The following TTC3 variants were observed in gnomAD, a reference collection of about 807,000 sequenced individuals.
The protein encoded by TTC3 is tetratricopeptide repeat domain 3, also known as E3 ubiquitin-protein ligase TTC3.
In TTC3, 180 loss-of-function variants were observed where a neutral mutation model predicts 249.6. The ratio of observed to expected loss-of-function variants is 0.72; its 90% CI spans 0.64 to 0.82. The LOEUF is 0.82. Ranked by LOEUF, TTC3 falls within the 40% of genes least tolerant of loss-of-function variation. The pLI, the probability that TTC3 is intolerant of heterozygous loss-of-function variation, is 0.00. For missense variants in TTC3, 2,061 were observed against 2,398.4 expected, an observed-to-expected ratio of 0.86 and a Z score of 2.94; for synonymous variants, 717 against 805.0, an observed-to-expected ratio of 0.89 and a Z score of 1.85.
intron 35 of TTC3, among the ~76,000 whole-genome samples, chr21:37,177,600 G>A (rs563235248): frequency 3.3e-5 from 5 of 152,166 alleles, no homozygotes; most frequent in Middle Eastern, 3.4e-3. Flanking sequence ...TTTGTCATTC[G>A]ATTTCTCACT....
chr21:37,114,661 A>T (rs934408133), intron 11 of TTC3, among the ~76,000 whole-genome samples: 25 of 152,096 alleles, frequency 1.6e-4, no homozygotes, highest in African/African-American at 5.8e-4. Flanking sequence ...ATACCATTTG[A>T]CCCAGCCATC....
At chr21:37,172,602 T>G in exon 35 of TTC3, 1 of 1,608,738 alleles carries the variant, frequency 6.2e-7, no homozygotes, top group Non-Finnish European at 8.5e-7. Context: ...TAGGGGGAAA[T>G]TTCACGGATT....
chr21:37,123,261 T>C (rs1477757301), intron 13 of TTC3, among the ~76,000 whole-genome samples: 1 of 152,198 alleles, frequency 6.6e-6, no homozygotes, highest in Non-Finnish European at 1.5e-5. Context: ...AGCCTAATCC[T>C]GTGGGAAAAG....
At chr21:37,077,225 C>T (rs147974502) in intron 1 of TTC3, among the ~76,000 whole-genome samples, 1,548 of 151,810 alleles carry the variant, frequency 0.01, 16 homozygotes, top group East Asian at 0.03. Context: ...AGAAATTCAC[C>T]CTTTGCAATT....
chr21:37,162,932 T>A (rs563316966), intron 31 of TTC3, among the ~76,000 whole-genome samples: 4 of 152,272 alleles, frequency 2.6e-5, no homozygotes, highest in Admixed American at 2.0e-4. Context: ...GGCAACTCTC[T>A]GGGGCCTCTT....
intron 12 of TTC3, 31 bp downstream of exon 12, chr21:37,122,010 T>C (rs550110234): frequency 1.9e-6 from 3 of 1,563,870 alleles, no homozygotes; most frequent in African/African-American, 2.7e-5. Context: ...TTGGTTACAG[T>C]CTTAATTCCC....
intron 28 of TTC3, chr21:37,157,134 C>A: frequency 7.0e-7 from 1 of 1,431,840 alleles, no homozygotes; most frequent in Non-Finnish European, 9.4e-7. Flanking sequence ...GTTATGCTAA[C>A]AATACACAAT....
At chr21:37,180,900 AT>A (rs1182170195) in intron 35 of TTC3, among the ~76,000 whole-genome samples, 2 of 152,118 alleles carry the variant, frequency 1.3e-5, no homozygotes, top group African/African-American at 4.8e-5. Context: ...TCAAATATTT[AT>A]TTTAGAACAA....
At chr21:37,180,335 G>GT (rs1255945760) in intron 35 of TTC3, among the ~76,000 whole-genome samples, 1 of 151,212 alleles carries the variant, frequency 6.6e-6, no homozygotes, top group African/African-American at 2.4e-5. Flanking sequence ...TCTCTATTCT[G>GT]TTTTCTTTAT....
At chr21:37,128,481 T>C (rs1371965028) in intron 15 of TTC3, among the ~76,000 whole-genome samples, 1 of 152,210 alleles carries the variant, frequency 6.6e-6, no homozygotes, top group Non-Finnish European at 1.5e-5. Context: ...TCTCTACTCT[T>C]GAGTTCAGGC....
intron 11 of TTC3, among the ~76,000 whole-genome samples, chr21:37,109,285 A>G (rs957834703): frequency 2.0e-5 from 3 of 152,192 alleles, no homozygotes; most frequent in Non-Finnish European, 2.9e-5. Context: ...GGGGAAGCGC[A>G]AGGGGTCAGG....
rs145955323 is a variant in TTC3, at chr21:37,103,622, C to A, written c.846-4770C>A. On this transcript the variant is annotated intron_variant, in intron 10 of 45. Transcript: ENST00000355666. ...ATATTTATAATATATGCTATTATAACGCTGTTTGTAGTGCTATATATTATA... is the reference window on the plus strand; with the variant it reads ...ATATTTATAATATATGCTATTATAAAGCTGTTTGTAGTGCTATATATTATA... Among the ~76,000 whole-genome samples the A allele has an allele frequency of 7.9e-5, 12 of 152,162 alleles. No individual in the cohort carries two copies. In the East Asian group the frequency reaches 2.3e-3, roughly 29 times the overall value.
At chr21:37,201,189 G>GACC in intron 45 of TTC3, among the ~76,000 whole-genome samples, 2 of 152,354 alleles carry the variant, frequency 1.3e-5, no homozygotes, top group Admixed American at 1.3e-4. Flanking sequence ...ATCAGGGCAA[G>GACC]ACCACCCCCT....
intron 44 of TTC3, among the ~76,000 whole-genome samples, chr21:37,198,764 G>A (rs2148247231): frequency 6.6e-6 from 1 of 152,278 alleles, no homozygotes; most frequent in Middle Eastern, 3.4e-3. Flanking sequence ...ACTCTTGAAT[G>A]CATGGATATG....
At chr21:37,091,214 A>C (rs576028343) in intron 6 of TTC3, 79 bp from the exon 7 acceptor site, 2 of 1,468,262 alleles carry the variant, frequency 1.4e-6, no homozygotes, top group South Asian at 2.4e-5. Flanking sequence ...AAATACTTGC[A>C]TAAGATGAAT....
intron 35 of TTC3, among the ~76,000 whole-genome samples, chr21:37,180,038 C>T (rs1359545201): frequency 6.6e-6 from 1 of 152,204 alleles, no homozygotes; most frequent in African/African-American, 2.4e-5. Flanking sequence ...TTTCATGTGA[C>T]AGATATTTCT....
At chr21:37,102,631 AC>A (rs1268953309) in intron 10 of TTC3, among the ~76,000 whole-genome samples, 1 of 152,216 alleles carries the variant, frequency 6.6e-6, no homozygotes, top group Non-Finnish European at 1.5e-5. Context: ...CTAATAATTC[AC>A]CCACAGTCAG....
At chr21:37,145,946 A>C (rs1295873882) in intron 21 of TTC3, among the ~76,000 whole-genome samples, 3 of 152,222 alleles carry the variant, frequency 2.0e-5, no homozygotes, top group Non-Finnish European at 4.4e-5. Flanking sequence ...ACCGGGGATC[A>C]GATTTCAATG....
chr21:37,197,441 C>A, intron 42 of TTC3, 129 bp from the exon 43 acceptor site: 1 of 1,095,978 alleles, frequency 9.1e-7, no homozygotes, highest in Non-Finnish European at 1.4e-6. Context: ...TATCAGTGGT[C>A]TTCAGATTAA....
Sources: allele counts gnomAD v4.1 joint callset (sites outside exome capture counted in the v4.1 genomes callset), GRCh38; gene constraint gnomAD v4.1.1; transcripts MANE v1.5; gene names NCBI Gene and HGNC (gene_info 2026-07-23, HGNC 2026-07-21).